Variants in PPFIA2 observed in about 807,000 individuals in gnomAD.
PPFIA2 encodes liprin-alpha-2.
In PPFIA2, 46 loss-of-function variants were observed where a neutral mutation model predicts 175.5. The observed-to-expected ratio is 0.26, with a 90% CI of 0.21 to 0.34. The LOEUF is 0.34. Among genes scored for constraint, PPFIA2 ranks in the 10% least tolerant of loss-of-function variants. PPFIA2 has a pLI of 1.00. For missense variants in PPFIA2, 1,179 were observed against 1,506.1 expected (o/e 0.78, Z 3.60); for synonymous variants, 568 against 511.4 (o/e 1.11, Z -1.49).
At chr12:81,504,926 T>C (rs1270008612) in intron 4 of PPFIA2, among the ~76,000 whole-genome samples, 1 of 152,048 alleles carries the variant, frequency 6.6e-6, no homozygotes, top group Non-Finnish European at 1.5e-5. Context: ...TTCTCACTCA[T>C]AAGTGGGAGT....
intron 4 of PPFIA2, among the ~76,000 whole-genome samples, chr12:81,657,016 G>T (rs2067893043): frequency 6.6e-6 from 1 of 152,228 alleles, no homozygotes; most frequent in African/African-American, 2.4e-5. Context: ...TAAAGTGCCT[G>T]TAGTGGTTAT....
At chr12:81,358,384 T>C (rs1198031764) in intron 15 of PPFIA2, among the ~76,000 whole-genome samples, 167 bp from the exon 16 acceptor site, 1 of 152,166 alleles carries the variant, frequency 6.6e-6, no homozygotes, top group Admixed American at 6.6e-5. Context: ...TTTAGAGACT[T>C]ATGTCAGAAG....
At chr12:81,462,262 TATATATATATATATGTTAGAAAAC>T (rs1371544140) in intron 4 of PPFIA2, among the ~76,000 whole-genome samples, 3 of 134,760 alleles carry the variant, frequency 2.2e-5, no homozygotes, top group Non-Finnish European at 4.6e-5. Context: ...AACATATATA[TATATATATATATATGTTAGAAAAC>T]ATATATATAT....
At chr12:81,613,094 T>C (rs908127579) in intron 4 of PPFIA2, among the ~76,000 whole-genome samples, 2 of 152,230 alleles carry the variant, frequency 1.3e-5, no homozygotes, top group African/African-American at 4.8e-5. Context: ...TCTAATATTA[T>C]AACAGAATCA....
At chr12:81,455,900 TG>T (rs1223362677) in intron 5 of PPFIA2, among the ~76,000 whole-genome samples, 3 of 152,160 alleles carry the variant, frequency 2.0e-5, no homozygotes, top group Non-Finnish European at 4.4e-5. Flanking sequence ...TTACCTGGTC[TG>T]TAAAATTGAG....
intron 4 of PPFIA2, among the ~76,000 whole-genome samples, chr12:81,643,071 A>G (rs1440473689): frequency 6.7e-6 from 1 of 148,498 alleles, no homozygotes; most frequent in South Asian, 2.1e-4. Context: ...TATATTTTAC[A>G]TATATGTTAT....
chr12:81,464,058 C>T (rs1047579246), intron 4 of PPFIA2, among the ~76,000 whole-genome samples: 5 of 152,088 alleles, frequency 3.3e-5, no homozygotes, highest in African/African-American at 9.7e-5. Context: ...CCGCTCCCAT[C>T]ATTTTTTTCT....
At chr12:81,661,882 A>T (rs1385117290) in intron 4 of PPFIA2, among the ~76,000 whole-genome samples, 4 of 152,220 alleles carry the variant, frequency 2.6e-5, no homozygotes, top group African/African-American at 9.6e-5. Context: ...ACTAGAATTC[A>T]GGATTAAGAA....
At chr12:81,436,689 C>T (rs1015766759) in intron 7 of PPFIA2, among the ~76,000 whole-genome samples, 6 of 152,138 alleles carry the variant, frequency 3.9e-5, no homozygotes, top group African/African-American at 7.2e-5. Flanking sequence ...CTGATTTTTT[C>T]GTAATTTCAT....
chr12:81,683,520 CA>C, intron 3 of PPFIA2, among the ~76,000 whole-genome samples: 1 of 152,010 alleles, frequency 6.6e-6, no homozygotes, highest in Non-Finnish European at 1.5e-5. Context: ...AAACAAAACA[CA>C]AACTTATTGC....
At chr12:81,341,003 T>C (rs1162275180) in intron 20 of PPFIA2, 75 bp downstream of exon 20, 3 of 1,425,606 alleles carry the variant, frequency 2.1e-6, no homozygotes, top group Non-Finnish European at 1.9e-6. Flanking sequence ...AAGCAGTCTA[T>C]TCGACAACAA....
At chr12:81,707,545 G>C (rs2077340127) in intron 3 of PPFIA2, among the ~76,000 whole-genome samples, 1 of 150,216 alleles carries the variant, frequency 6.7e-6, no homozygotes, top group Middle Eastern at 3.5e-3. Flanking sequence ...AGGATGTGGA[G>C]AAATAGGAAC....
At chr12:81,496,981 G>A (rs1259035296) in intron 4 of PPFIA2, among the ~76,000 whole-genome samples, 5 of 152,156 alleles carry the variant, frequency 3.3e-5, no homozygotes, top group Admixed American at 6.5e-5. Context: ...TAGCCCTACT[G>A]AAGCTCCATC....
At chr12:81,275,933 T>C (rs928455723) in intron 28 of PPFIA2, among the ~76,000 whole-genome samples, 20 of 151,948 alleles carry the variant, frequency 1.3e-4, no homozygotes, top group Middle Eastern at 3.4e-3. Context: ...TACAGGCGCC[T>C]GCCACCACGC....
intron 4 of PPFIA2, among the ~76,000 whole-genome samples, chr12:81,662,764 A>T (rs2153550632): frequency 6.6e-6 from 1 of 152,178 alleles, no homozygotes; most frequent in East Asian, 1.9e-4. Flanking sequence ...GAGAATTTTC[A>T]ACCAATATCC....
At chr12:81,439,687 C>G (rs1336930217) in intron 7 of PPFIA2, among the ~76,000 whole-genome samples, 1 of 152,152 alleles carries the variant, frequency 6.6e-6, no homozygotes, top group Admixed American at 6.6e-5. Context: ...TGTTTTCCTT[C>G]TTGAAACGAC....
intron 22 of PPFIA2, among the ~76,000 whole-genome samples, chr12:81,324,662 T>C (rs2054364887): frequency 6.6e-6 from 1 of 151,950 alleles, no homozygotes; most frequent in Non-Finnish European, 1.5e-5. Context: ...TTGAAAAAGA[T>C]TATGATAATA....
At chr12:81,550,661 C>A (rs1423897843) in intron 4 of PPFIA2, among the ~76,000 whole-genome samples, 3 of 151,810 alleles carry the variant, frequency 2.0e-5, no homozygotes, top group African/African-American at 7.3e-5. Flanking sequence ...TTGATTTATG[C>A]TGATATTGAT....
chr12:81,379,185 C>A (rs2037073754), intron 9 of PPFIA2, among the ~76,000 whole-genome samples: 1 of 152,012 alleles, frequency 6.6e-6, no homozygotes, highest in Non-Finnish European at 1.5e-5. Context: ...AGAGAAATAG[C>A]TTTTCCCTCT....
Sources: allele counts gnomAD v4.1 joint callset (sites outside exome capture counted in the v4.1 genomes callset), GRCh38; gene constraint gnomAD v4.1.1; transcripts MANE v1.5; gene names NCBI Gene and HGNC (gene_info 2026-07-23, HGNC 2026-07-21).